The following TNR variants were observed in gnomAD, a reference collection of about 807,000 sequenced individuals.
TNR encodes tenascin-R.
A neutral mutation model predicts 150.4 loss-of-function variants in TNR; 45 were observed. The observed-to-expected ratio is 0.30, with a 90% CI of 0.24 to 0.38. The LOEUF (loss-of-function observed/expected upper bound fraction) is 0.38, where lower values mean the gene tolerates loss of function less well. Among genes scored for constraint, TNR ranks in the 10% least tolerant of loss-of-function variants. TNR has a pLI of 1.00. For missense variants in TNR, 1,544 were observed against 1,759.1 expected (o/e 0.88, Z 2.19); for synonymous variants, 687 against 678.4 (o/e 1.01, Z -0.20).
chr1:175,446,917 T>C (rs994446896), intron 2 of TNR, among the ~76,000 whole-genome samples: 6 of 152,186 alleles, frequency 3.9e-5, no homozygotes, highest in African/African-American at 1.4e-4. Flanking sequence ...GGCATGCATG[T>C]ATGTGTGTTG....
At chr1:175,383,484 G>A (rs1200448723) in intron 8 of TNR, among the ~76,000 whole-genome samples, 1 of 152,184 alleles carries the variant, frequency 6.6e-6, no homozygotes, top group East Asian at 1.9e-4. Context: ...TGAGGGCAGG[G>A]AGGGGTTTTG....
chr1:175,611,643 C>G (rs532169454), intron 1 of TNR, among the ~76,000 whole-genome samples: 4 of 152,268 alleles, frequency 2.6e-5, no homozygotes, highest in African/African-American at 9.6e-5. Context: ...CATTTCTGCT[C>G]TCTCTTGATC....
At chr1:175,683,938 G>A (rs1214356544) in intron 1 of TNR, among the ~76,000 whole-genome samples, 1 of 152,240 alleles carries the variant, frequency 6.6e-6, no homozygotes, top group Non-Finnish European at 1.5e-5. Flanking sequence ...CAACAGGAGA[G>A]TGACTGTGGG....
chr1:175,356,546 G>A, intron 15 of TNR, 84 bp from the exon 16 acceptor site: 1 of 1,534,770 alleles, frequency 6.5e-7, no homozygotes. Flanking sequence ...TATTTCACAT[G>A]GATTTACTAC....
At chr1:175,693,537 C>G (rs533192723) in intron 1 of TNR, among the ~76,000 whole-genome samples, 1 of 152,324 alleles carries the variant, frequency 6.6e-6, no homozygotes, top group East Asian at 1.9e-4. Context: ...CCTCCCTCCT[C>G]TTAGGTTTCC....
chr1:175,375,263 T>G lies in TNR; in HGVS notation c.1963+4289A>C, dbSNP rs530093790. ...AGGTTCTAATCTGGCTGGTAAGATG[T>G]GTAACACTCAAGGACCCCTTTGGGA... On this transcript the variant is annotated intron_variant, in intron 9 of 22. Coordinates refer to ENST00000367674, the MANE Select transcript of TNR (RefSeq NM_003285.3). Among the ~76,000 whole-genome samples the G allele has an allele frequency of 4.6e-5, 7 of 151,972 alleles. No individual in the cohort carries two copies. In the East Asian group the frequency reaches 5.8e-4, roughly 13 times the overall value.
chr1:175,526,892 T>C lies in TNR; in HGVS notation c.-64+1377A>G, dbSNP rs148090637. ...GTAAGTGTGTGGGGAAGGGGACTAA[T>C]CTGGACAAGCTATGTTCTCCTGTGA... On this transcript the variant is annotated intron_variant, in intron 2 of 22. Transcript: ENST00000367674. 2.1e-3 allele frequency among the ~76,000 whole-genome samples: 319 copies of C among 152,346 alleles called. 1 individual carries two copies. The highest frequency in any genetic ancestry group is 3.2e-3 in the Non-Finnish European group (220 of 68,036).
intron 1 of TNR, among the ~76,000 whole-genome samples, chr1:175,718,202 A>G (rs953234962): frequency 2.0e-5 from 3 of 152,206 alleles, no homozygotes; most frequent in Admixed American, 2.0e-4. Context: ...AATATCATGT[A>G]GAGCCAAGGG....
rs1557861572 is a variant in TNR, at chr1:175,322,770, A to T, written c.*587T>A. On this transcript the variant is annotated 3_prime_UTR_variant, in exon 23 of 23. Coordinates refer to ENST00000367674, the MANE Select transcript of TNR (RefSeq NM_003285.3). ...GCACTCCAGACTGAGCAAGAGTGAG[A>T]TACTGTCAAGAAAGAAAGGAGGGAA... 6.6e-6 allele frequency: 1 copy of T among 152,446 alleles called. No individual in the cohort carries two copies. Among genetic ancestry groups the T allele is most frequent in the African/African-American group, 2.4e-5 (1 of 41,416 alleles). 9.4% of individuals were successfully genotyped at this position (152,446 alleles called of 1,614,324 possible). A position where few individuals can be genotyped will look rare whatever the true frequency, so the allele number is the denominator to read the frequency against.
At chr1:175,683,088 T>G (rs1666087656) in intron 1 of TNR, among the ~76,000 whole-genome samples, 3 of 152,152 alleles carry the variant, frequency 2.0e-5, no homozygotes, top group Admixed American at 6.5e-5. Flanking sequence ...CAGTTCTTCC[T>G]GCTTCCCCTT....
At chr1:175,598,360 C>A (rs1273705897) in intron 1 of TNR, among the ~76,000 whole-genome samples, 1 of 152,194 alleles carries the variant, frequency 6.6e-6, no homozygotes, top group South Asian at 2.1e-4. Context: ...TGATCAAGAT[C>A]ACTTCATTAG....
rs1354122730 is a variant in TNR at position 175,627,032 on chromosome 1, G to A, written c.-164-98663C>T. On this transcript the variant is annotated intron_variant, in intron 1 of 22. Coordinates refer to ENST00000367674, the MANE Select transcript of TNR (RefSeq NM_003285.3). ...GATCCTTCAGAGGAACCTAGATCCT[G>A]TTATCACCTTGATTTTGGACTTCTG... Among the ~76,000 whole-genome samples, 7 of 152,216 alleles carry A rather than the reference G, an allele frequency of 4.6e-5. No individual in the cohort carries two copies. The East Asian group carries it at 1.3e-3, about 29-fold the overall frequency.
At chr1:175,480,227 A>C (rs1350466233) in intron 2 of TNR, among the ~76,000 whole-genome samples, 1 of 151,774 alleles carries the variant, frequency 6.6e-6, no homozygotes, top group African/African-American at 2.4e-5. Flanking sequence ...CAGCTGCATA[A>C]AGTTGAGAAG....
chr1:175,520,814 T>A (rs529493775), intron 2 of TNR, among the ~76,000 whole-genome samples: 3 of 152,166 alleles, frequency 2.0e-5, no homozygotes, highest in Admixed American at 1.3e-4. Flanking sequence ...CAGGGTGCCA[T>A]GTTCTAAAAT....
At position 175,391,812 on chromosome 1, in the gene TNR, G is replaced by A. The variant is rs566992856; in HGVS notation, c.1357-374C>T. 9.2e-5 allele frequency among the ~76,000 whole-genome samples: 14 copies of A among 152,328 alleles called. No individual in the cohort carries two copies. In the South Asian group the frequency reaches 1.0e-3, roughly 11 times the overall value. On this transcript the variant is annotated intron_variant, in intron 6 of 22. Coordinates refer to ENST00000367674, the MANE Select transcript of TNR (RefSeq NM_003285.3). ...TCATCAGAGGTTTTTGGCATTTATC[G>A]TAATGAACATGCCCCCGGCTATTTA...
intron 21 of TNR, among the ~76,000 whole-genome samples, chr1:175,326,929 G>A (rs981651955): frequency 2.0e-5 from 3 of 150,682 alleles, no homozygotes; most frequent in Non-Finnish European, 4.4e-5. Context: ...GCCTCCCAAA[G>A]TGCTGGGATT....
chr1:175,485,501 T>C (rs1461035968), intron 2 of TNR, among the ~76,000 whole-genome samples: 2 of 152,136 alleles, frequency 1.3e-5, no homozygotes, highest in Non-Finnish European at 2.9e-5. Flanking sequence ...AGAACTTACA[T>C]CCAATTTCAG....
chr1:175,413,714 T>C (rs1654313173), intron 2 of TNR, among the ~76,000 whole-genome samples: 1 of 152,154 alleles, frequency 6.6e-6, no homozygotes, highest in Admixed American at 6.5e-5. Flanking sequence ...GGTCTGAATG[T>C]TTGTGTCCCT....
chr1:175,729,284 C>G (rs190621525), intron 1 of TNR, among the ~76,000 whole-genome samples: 60 of 152,326 alleles, frequency 3.9e-4, no homozygotes, highest in Non-Finnish European at 7.3e-4. Flanking sequence ...AGTGGAGCCC[C>G]TGGCATGGGA....
Sources: gnomAD v4.1 joint callset for allele counts (sites outside exome capture counted in the v4.1 genomes callset) on GRCh38, gnomAD v4.1.1 for gene constraint, MANE v1.5 for transcripts, NCBI Gene and HGNC (gene_info 2026-07-23, HGNC 2026-07-21) for gene names.